Variants in RASGRF2 observed in about 807,000 individuals in gnomAD.
RASGRF2 encodes ras-specific guanine nucleotide-releasing factor 2.
RASGRF2 carries 76 observed loss-of-function variants against 151.0 expected under a neutral mutation model. That is an observed-to-expected ratio of 0.50 (90% confidence interval 0.42 to 0.61). The LOEUF is 0.61. Among genes scored for constraint, RASGRF2 ranks in the 20% least tolerant of loss-of-function variants. The pLI, the probability that RASGRF2 is intolerant of heterozygous loss-of-function variation, is 0.00. For synonymous variants in RASGRF2, 504 were observed against 566.5 expected (o/e 0.89, Z 1.57); for missense variants, 1,148 against 1,564.6 (o/e 0.73, Z 4.49).
At chr5:80,981,368 A>C (rs1391478698) in intron 1 of RASGRF2, among the ~76,000 whole-genome samples, 1 of 152,086 alleles carries the variant, frequency 6.6e-6, no homozygotes, top group Admixed American at 6.5e-5. Context: ...GCTTAAAAAA[A>C]GTTTACAAAT....
At chr5:81,152,768 G>C (rs1015433380) in intron 17 of RASGRF2, among the ~76,000 whole-genome samples, 3 of 152,160 alleles carry the variant, frequency 2.0e-5, no homozygotes, top group African/African-American at 7.2e-5. Context: ...AGAAAGTACT[G>C]AACCTAGCTA....
At chr5:81,073,166 A>C in intron 4 of RASGRF2, 33 bp from the exon 5 acceptor site, 2 of 1,592,528 alleles carry the variant, frequency 1.3e-6, no homozygotes, top group Non-Finnish European at 1.7e-6. Context: ...CATTGTAACT[A>C]GTCAGATTCC....
chr5:81,053,246 G>A (rs1452849058), intron 2 of RASGRF2, among the ~76,000 whole-genome samples: 1 of 150,602 alleles, frequency 6.6e-6, no homozygotes, highest in African/African-American at 2.4e-5. Flanking sequence ...ATTTACATTA[G>A]GTATATCTCC....
Position 81,184,542 on chromosome 5 carries a change from G to A in RASGRF2, c.2793+4261G>A, listed in dbSNP as rs1186529875. ...AGGAATTTCACAGACCATGAATGACGCTGGTAAAAGGGCTGCAGCTGTGTC... is the reference window on the plus strand; with the variant it reads ...AGGAATTTCACAGACCATGAATGACACTGGTAAAAGGGCTGCAGCTGTGTC... On this transcript the variant is annotated intron_variant, in intron 18 of 26. Transcript: ENST00000265080. Among the ~76,000 whole-genome samples the A allele has an allele frequency of 2.6e-5, 4 of 152,262 alleles. No homozygotes were observed. In the South Asian group the frequency reaches 8.3e-4, roughly 32 times the overall value.
chr5:80,960,750 C>A lies in RASGRF2; in HGVS notation c.12C>A (p.Ser4Arg). ...TCCGCACCCGCACCATGCAGAAGAG[C>A]GTGCGCTACAACGAGGGGCACGCCC... MQK[S>R]VRYNEGHALY... Residue 4 changes from serine to arginine, a missense_variant, in exon 1 of 27, where the codon AGC (serine) becomes AGA (arginine). Ser to Arg is a moderately radical substitution (Grantham distance 110). Transcript: ENST00000265080. This position sits in a 1 kb window ranked among gnomAD's most constrained non-coding sequence, Gnocchi z 5.5. The A allele has an allele frequency of 1.3e-6, 2 of 1,594,522 alleles. No individual in the cohort carries two copies. The highest frequency in any genetic ancestry group is 1.7e-6 in the Non-Finnish European group (2 of 1,168,468).
chr5:81,043,938 C>T (rs1041407756), intron 2 of RASGRF2, among the ~76,000 whole-genome samples: 10 of 152,162 alleles, frequency 6.6e-5, no homozygotes, highest in African/African-American at 2.2e-4. Flanking sequence ...TGCACGTGGG[C>T]GATTTAGCAA....
chr5:81,030,404 G>A (rs1487036717), intron 1 of RASGRF2, among the ~76,000 whole-genome samples: 1 of 152,186 alleles, frequency 6.6e-6, no homozygotes, highest in African/African-American at 2.4e-5. Context: ...CAGGGAGTAA[G>A]GTCAGGTTAC....
intron 25 of RASGRF2, among the ~76,000 whole-genome samples, chr5:81,218,463 C>T (rs1041021333): frequency 3.3e-5 from 5 of 152,122 alleles, no homozygotes; most frequent in African/African-American, 9.7e-5. Context: ...GTGTCCTTTC[C>T]CCACCTTACG....
intron 17 of RASGRF2, among the ~76,000 whole-genome samples, chr5:81,160,700 T>TAAC (rs1754363583): frequency 6.9e-6 from 1 of 145,704 alleles, no homozygotes; most frequent in African/African-American, 2.5e-5. Context: ...ATAATAATAA[T>TAAC]AATAATAATA....
intron 1 of RASGRF2, among the ~76,000 whole-genome samples, chr5:81,013,155 T>C (rs1749523936): frequency 6.6e-6 from 1 of 152,214 alleles, no homozygotes; most frequent in Non-Finnish European, 1.5e-5. Flanking sequence ...CTTGGCTGAC[T>C]CAGTCTCCAA....
intron 2 of RASGRF2, among the ~76,000 whole-genome samples, chr5:81,055,240 T>C (rs1423903632): frequency 6.6e-6 from 1 of 152,198 alleles, no homozygotes; most frequent in East Asian, 1.9e-4. Context: ...TTTTGCCCAT[T>C]CAGTATGATA....
At chr5:81,020,797 C>T (rs766457203) in intron 1 of RASGRF2, among the ~76,000 whole-genome samples, 18 of 152,192 alleles carry the variant, frequency 1.2e-4, no homozygotes, top group Non-Finnish European at 2.1e-4. Context: ...AAGAGATACA[C>T]TAATAGAGAA....
At chr5:81,196,039 A>G (rs1463057779) in intron 18 of RASGRF2, among the ~76,000 whole-genome samples, 1 of 152,226 alleles carries the variant, frequency 6.6e-6, no homozygotes, top group Non-Finnish European at 1.5e-5. Context: ...AGGGCAGATC[A>G]TTTGAAGTCA....
At chr5:81,169,327 A>G (rs571469070) in intron 17 of RASGRF2, among the ~76,000 whole-genome samples, 103 of 152,272 alleles carry the variant, frequency 6.8e-4, no homozygotes, top group South Asian at 5.6e-3. Context: ...CTGGGTGGCT[A>G]AAAAAACAAC....
chr5:80,984,159 C>G (rs1318201010), intron 1 of RASGRF2, among the ~76,000 whole-genome samples: 1 of 152,194 alleles, frequency 6.6e-6, no homozygotes, highest in African/African-American at 2.4e-5. Flanking sequence ...CTCCCAGATT[C>G]AAGTGATTCT....
intron 18 of RASGRF2, among the ~76,000 whole-genome samples, chr5:81,195,188 C>T (rs898194092): frequency 2.0e-5 from 3 of 152,200 alleles, no homozygotes; most frequent in Non-Finnish European, 4.4e-5. Flanking sequence ...GCGGGCTCCA[C>T]CCAGGGGCCC....
intron 22 of RASGRF2, 27 bp downstream of exon 22, chr5:81,208,465 G>A: frequency 6.3e-7 from 1 of 1,582,708 alleles, no homozygotes; most frequent in Non-Finnish European, 8.7e-7. Context: ...GTAAAACCGT[G>A]GGCGTGTCAC....
chr5:81,073,564 G>C, intron 5 of RASGRF2, 112 bp downstream of exon 5: 1 of 1,137,728 alleles, frequency 8.8e-7, no homozygotes, highest in Non-Finnish European at 1.2e-6. Flanking sequence ...ATTAGTTTAT[G>C]ATAGTAAAAA....
At chr5:81,117,509 G>A (rs1240714002) in intron 15 of RASGRF2, among the ~76,000 whole-genome samples, 1 of 152,096 alleles carries the variant, frequency 6.6e-6, no homozygotes, top group East Asian at 1.9e-4. Flanking sequence ...ACCTCTTAGA[G>A]GTCCCACCTC....
Sources: gnomAD v4.1 joint callset for allele counts (sites outside exome capture counted in the v4.1 genomes callset) on GRCh38, gnomAD v4.1.1 for gene constraint, Gnocchi (gnomAD v3.1) non-coding constraint, MANE v1.5 for transcripts, NCBI Gene and HGNC (gene_info 2026-07-23, HGNC 2026-07-21) for gene names.